PTPN18: variants seen among roughly 807,000 people sequenced by gnomAD.
PTPN18 encodes protein tyrosine phosphatase non-receptor type 18.
A neutral mutation model predicts 65.4 loss-of-function variants in PTPN18; 65 were observed. The ratio of observed to expected loss-of-function variants is 0.99; its 90% CI spans 0.81 to 1.22. The LOEUF (loss-of-function observed/expected upper bound fraction) is 1.22, where lower values mean the gene tolerates loss of function less well. Among genes scored for constraint, PTPN18 ranks in the 50% most tolerant of loss-of-function variants. PTPN18 has a pLI of 0.00. For missense variants in PTPN18, 616 were observed against 646.5 expected (o/e 0.95, Z 0.51); for synonymous variants, 255 against 267.8 (o/e 0.95, Z 0.47).
intron 6 of PTPN18, 121 bp from the exon 7 acceptor site, chr2:130,369,644 T>G: frequency 9.1e-7 from 1 of 1,097,060 alleles, no homozygotes; most frequent in Non-Finnish European, 1.3e-6. Context: ...ATATGAATTT[T>G]TAAAATGTTT....
Position 130,373,050 on chromosome 2 carries a change from C to T in PTPN18, c.1315+103C>T. 1 of 1,551,740 alleles carries T rather than the reference C, an allele frequency of 6.4e-7. No individual in the cohort carries two copies. Among genetic ancestry groups the T allele is most frequent in the Non-Finnish European group, 8.8e-7 (1 of 1,130,198 alleles). ...GAGCTTAGTCCTGTGGATGTGGCTG[C>T]AGTGAACCAGGAGGACCTGGAGGCG... On this transcript the variant is annotated intron_variant, in intron 14 of 14. Coordinates refer to ENST00000175756, the MANE Select transcript of PTPN18 (RefSeq NM_014369.4). This position sits in a 1 kb window ranked among gnomAD's most constrained non-coding sequence, Gnocchi z 4.1.
chr2:130,370,523 G>C, intron 8 of PTPN18, 34 bp from the exon 9 acceptor site: 1 of 1,613,944 alleles, frequency 6.2e-7, no homozygotes, highest in Non-Finnish European at 8.5e-7. Context: ...TTGTGGTCAG[G>C]ACCTGACCAG....
chr2:130,372,170 C>G, intron 12 of PTPN18, 87 bp from the exon 13 acceptor site: 2 of 1,311,320 alleles, frequency 1.5e-6, no homozygotes, highest in Non-Finnish European at 2.1e-6. Flanking sequence ...GGGAAGGAAG[C>G]CCGTGGTTTG....
At chr2:130,370,235 C>T in intron 8 of PTPN18, 45 bp downstream of exon 8, 1 of 1,602,490 alleles carries the variant, frequency 6.2e-7, no homozygotes, top group Non-Finnish European at 8.5e-7. Flanking sequence ...GCAGAGGGGA[C>T]AGAGCATGGA....
At chr2:130,367,388 C>G (rs955984150) in intron 5 of PTPN18, among the ~76,000 whole-genome samples, 1 of 152,060 alleles carries the variant, frequency 6.6e-6, no homozygotes, top group Non-Finnish European at 1.5e-5. Context: ...ATTTTCTCTT[C>G]TGGGGCCTGG....
Position 130,359,480 on chromosome 2 carries a change from G to C in PTPN18, c.363G>C (p.Glu121Asp), listed in dbSNP as rs528111787. 7.4e-6 allele frequency: 12 copies of C among 1,614,198 alleles called. No individual in the cohort carries two copies. In the East Asian group the frequency reaches 2.7e-4, roughly 36 times the overall value. The change falls in exon 4 of 15, where the codon GAG becomes GAC. Residue 121 changes from glutamate to aspartate, a missense_variant. This residue lies in a region of PTPN18 where 223 missense variants were observed against 210.0 expected (regional missense o/e 1.06). Transcript: ENST00000175756. The part of the protein sequence containing the change: ...TLLDFWRLVW[E>D]FGVKVILMAC... ...TAGACTTCTGGAGACTGGTCTGGGAGTTTGGGGTCAAGGTCAGCACTTGGG... is the reference window on the plus strand; with the variant it reads ...TAGACTTCTGGAGACTGGTCTGGGACTTTGGGGTCAAGGTCAGCACTTGGG...
intron 1 of PTPN18, chr2:130,356,513 G>C: frequency 1.9e-6 from 1 of 515,854 alleles, no homozygotes; most frequent in Admixed American, 2.4e-5. Flanking sequence ...TGGGGCGGGC[G>C]CCGCAGGGGA....
chr2:130,361,565 TC>T (rs368728566), intron 5 of PTPN18, among the ~76,000 whole-genome samples: 27 of 121,266 alleles, frequency 2.2e-4, no homozygotes, highest in East Asian at 1.6e-3. Context: ...TTTCTTTCTT[TC>T]CTTTCTTTCC....
At chr2:130,372,114 C>T in intron 12 of PTPN18, 143 bp from the exon 13 acceptor site, 1 of 752,182 alleles carries the variant, frequency 1.3e-6, no homozygotes, top group Non-Finnish European at 2.1e-6. Flanking sequence ...GAAGCGAGGC[C>T]TCCAACCCAA....
chr2:130,362,900 A>G (rs1003249239), intron 5 of PTPN18, among the ~76,000 whole-genome samples: 1 of 151,646 alleles, frequency 6.6e-6, no homozygotes, highest in African/African-American at 2.4e-5. Context: ...GCTCGCTGCA[A>G]CCTCCGCCTC....
intron 12 of PTPN18, 81 bp from the exon 13 acceptor site, chr2:130,372,176 G>T (rs935322509): frequency 9.5e-6 from 13 of 1,371,022 alleles, no homozygotes; most frequent in African/African-American, 1.5e-5. Context: ...GAAGCCCGTG[G>T]TTTGCGCGCT....
chr2:130,372,734 T>C lies in PTPN18; in HGVS notation c.1241-139T>C, dbSNP rs1019552009. On this transcript the variant is annotated intron_variant, in intron 13 of 14. Transcript: ENST00000175756. ...CCGCGCCCAAAGGCTGGAGGCCACG[T>C]CCGGGGTGTGTGCCTTCTCCCGCCC... 8.1e-5 allele frequency: 89 copies of C among 1,097,068 alleles called. 2 individuals are homozygous for C. The highest frequency in any genetic ancestry group is 1.1e-4 in the Non-Finnish European group (86 of 761,828). 68.0% of individuals were successfully genotyped at this position (1,097,068 alleles called of 1,614,324 possible).
intron 5 of PTPN18, among the ~76,000 whole-genome samples, chr2:130,368,322 T>C (rs1680450935): frequency 6.6e-6 from 1 of 152,218 alleles, no homozygotes; most frequent in Admixed American, 6.5e-5. Flanking sequence ...AAGTGTTGGA[T>C]TGTTTTCTTT....
chr2:130,368,496 C>G (rs1441109481), intron 5 of PTPN18, among the ~76,000 whole-genome samples: 1 of 152,190 alleles, frequency 6.6e-6, no homozygotes, highest in Non-Finnish European at 1.5e-5. Flanking sequence ...AATGTGAATT[C>G]TTTCTCATCA....
chr2:130,368,721 C>T (rs1573864292), intron 5 of PTPN18, among the ~76,000 whole-genome samples: 1 of 152,298 alleles, frequency 6.6e-6, no homozygotes, highest in East Asian at 1.9e-4. Context: ...GCTTTTGCCT[C>T]CTTGAGCCAT....
chr2:130,362,953 A>G (rs910886972), intron 5 of PTPN18, among the ~76,000 whole-genome samples: 13 of 151,688 alleles, frequency 8.6e-5, no homozygotes, highest in East Asian at 7.9e-4. Context: ...CCGAGTAGCT[A>G]GGACTACAGG....
At position 130,359,248 on chromosome 2, in the gene PTPN18, T is replaced by C; in HGVS notation, c.218T>C (p.Val73Ala). 1 of 1,614,072 alleles carries C rather than the reference T, an allele frequency of 6.2e-7. No individual in the cohort carries two copies. Among genetic ancestry groups the C allele is most frequent in the East Asian group, 2.2e-5 (1 of 44,880 alleles). Reference protein sequence around the residue: ...KDVLPYDQTRVILSLLQEEGH... With the variant: ...KDVLPYDQTRAILSLLQEEGH... ...CTGCTGACAGATGATCAGACGCGAG[T>C]AATCCTCTCCCTGCTCCAGGAAGAG... Residue 73 changes from valine (V) to alanine (A), a missense_variant, in exon 3 of 15, where the codon GTA (valine) becomes GCA (alanine). By Grantham distance (64) the Val-to-Ala change is moderately conservative. Coordinates refer to ENST00000175756, the MANE Select transcript of PTPN18 (RefSeq NM_014369.4).
chr2:130,369,040 C>G (rs528782454), intron 5 of PTPN18, 93 bp from the exon 6 acceptor site: 1 of 1,086,288 alleles, frequency 9.2e-7, no homozygotes, highest in South Asian at 1.4e-5. Context: ...GCTTCCACCA[C>G]GAGCACCTGG....
intron 12 of PTPN18, among the ~76,000 whole-genome samples, chr2:130,371,497 G>C (rs891024822): frequency 6.6e-6 from 1 of 152,168 alleles, no homozygotes; most frequent in Non-Finnish European, 1.5e-5. Context: ...GGCTTGCCCT[G>C]CCTTCTGAGT....
Sources: allele counts gnomAD v4.1 joint callset (sites outside exome capture counted in the v4.1 genomes callset), GRCh38; gene constraint gnomAD v4.1.1; regional missense constraint gnomAD v4.1.1; non-coding constraint Gnocchi (gnomAD v3.1); transcripts MANE v1.5; gene names NCBI Gene and HGNC (gene_info 2026-07-23, HGNC 2026-07-21).